The following GLB1 variants were observed in gnomAD, a reference collection of about 807,000 sequenced individuals.
GLB1 encodes the protein beta-galactosidase.
GLB1 carries 56 observed loss-of-function variants against 74.0 expected under a neutral mutation model. That is an observed-to-expected ratio of 0.76 (90% CI 0.61 to 0.94). GLB1 has a LOEUF of 0.94. Ranked by LOEUF, GLB1 falls within the 40% of genes least tolerant of loss-of-function variation. The probability of loss-of-function intolerance (pLI) is 0.00; values close to 1 mark genes in which losing one functional copy is unlikely to be tolerated. For missense variants in GLB1, 787 were observed against 845.5 expected, an observed-to-expected ratio of 0.93 and a Z score of 0.86; for synonymous variants, 323 against 323.6, an observed-to-expected ratio of 1.00 and a Z score of 0.02.
At chr3:32,995,398 G>T (rs1167852489), downstream of GLB1, among the ~76,000 whole-genome samples, 1 of 152,104 alleles carries the variant, frequency 6.6e-6, no homozygotes, top group Non-Finnish European at 1.5e-5. Flanking sequence ...GTAATGAAAT[G>T]AGGGTATGAG....
At chr3:33,076,303 C>T (rs1297951773) in intron 1 of GLB1, among the ~76,000 whole-genome samples, 1 of 152,164 alleles carries the variant, frequency 6.6e-6, no homozygotes, top group Non-Finnish European at 1.5e-5. Context: ...GCCACAGAGC[C>T]TCAATATAGT....
intron 10 of GLB1, chr3:33,045,228 T>C: frequency 3.6e-6 from 2 of 551,564 alleles, no homozygotes; most frequent in Non-Finnish European, 4.6e-6. Context: ...GTAGACTGAT[T>C]TGCTCATAGA....
At chr3:33,011,169 TTAA>T (rs1326722922) in intron 15 of GLB1, among the ~76,000 whole-genome samples, 1 of 152,104 alleles carries the variant, frequency 6.6e-6, no homozygotes, top group Non-Finnish European at 1.5e-5. Context: ...AACATACTTT[TTAA>T]TAATCTATGG....
At chr3:32,979,870 A>AAAAG in the GLB1 span, among the ~76,000 whole-genome samples, 4 of 137,326 alleles carry the variant, frequency 2.9e-5, no homozygotes, top group Non-Finnish European at 3.1e-5. Flanking sequence ...AAAAAAAAAA[A>AAAAG]AAAAAAAAGA....
intron 12 of GLB1, 57 bp from the exon 13 acceptor site, chr3:33,018,618 T>C (rs1473668452): frequency 5.1e-6 from 8 of 1,569,428 alleles, no homozygotes; most frequent in Non-Finnish European, 6.1e-6. Context: ...TTTAGAGAAC[T>C]TGGTTACCCT....
chr3:33,048,297 A>T (rs926752043), intron 9 of GLB1, among the ~76,000 whole-genome samples: 1 of 152,166 alleles, frequency 6.6e-6, no homozygotes, highest in African/African-American at 2.4e-5. Context: ...GCAGAATCTT[A>T]CTTTGGGTGT....
chr3:33,015,400 C>A (rs1037636647), intron 14 of GLB1, among the ~76,000 whole-genome samples: 4 of 152,142 alleles, frequency 2.6e-5, no homozygotes, highest in African/African-American at 9.7e-5. Flanking sequence ...CGATGGCAAA[C>A]CTCAGACCTG....
chr3:33,090,378 ACAAAC>A, intron 1 of GLB1: 1 of 985,250 alleles, frequency 1.0e-6, no homozygotes, highest in Non-Finnish European at 1.2e-6. Context: ...AAAGTTTAAA[ACAAAC>A]CAAACAAAAC....
downstream of GLB1, among the ~76,000 whole-genome samples, chr3:32,992,140 G>A (rs537764678): frequency 2.6e-5 from 4 of 152,222 alleles, no homozygotes; most frequent in Non-Finnish European, 5.9e-5. Flanking sequence ...AGTCTTTTCC[G>A]TAGGCTCACG....
At chr3:33,034,840 C>A in intron 10 of GLB1, 1 of 563,780 alleles carries the variant, frequency 1.8e-6, no homozygotes. Flanking sequence ...CACCTGCCAG[C>A]TCCAGGACTG....
chr3:33,024,472 T>G (rs1697646015), intron 10 of GLB1, 147 bp from the exon 11 acceptor site: 9 of 830,470 alleles, frequency 1.1e-5, no homozygotes, highest in African/African-American at 1.7e-5. Context: ...TAGAGACTTC[T>G]TCCAAAGCAG....
At chr3:32,982,816 A>C in the GLB1 span, among the ~76,000 whole-genome samples, 1 of 152,030 alleles carries the variant, frequency 6.6e-6, no homozygotes, top group Non-Finnish European at 1.5e-5. Context: ...GTCTCTGTTT[A>C]TGTTTATCAT....
intron 10 of GLB1, chr3:33,030,671 C>G (rs1318020456): frequency 3.0e-6 from 3 of 985,282 alleles, no homozygotes; most frequent in Non-Finnish European, 1.2e-6. Context: ...TCTCCCATCC[C>G]CTCTTCACCA....
At chr3:33,051,292 T>C (rs1575450707) in intron 9 of GLB1, among the ~76,000 whole-genome samples, 2 of 134,512 alleles carry the variant, frequency 1.5e-5, no homozygotes, top group Admixed American at 7.5e-5. Context: ...ACATAGGTAA[T>C]CCTTATATGT....
chr3:33,074,408 G>GAAAAAGAAAGAAAGAAAGAAAGAA (rs143322194), intron 1 of GLB1, among the ~76,000 whole-genome samples: 1 of 113,546 alleles, frequency 8.8e-6, no homozygotes, highest in Non-Finnish European at 2.0e-5. Context: ...AAGAAAGAAA[G>GAAAAAGAAAGAAAGAAAGAAAGAA]AATATTACAC....
At chr3:33,055,459 T>TTTTTTTTTTTTTTTTTTTTTTTTG (rs1699175361) in intron 6 of GLB1, among the ~76,000 whole-genome samples, 1 of 100,404 alleles carries the variant, frequency 1.0e-5, no homozygotes. Flanking sequence ...GGTTTTCTTT[T>TTTTTTTTTTTTTTTTTTTTTTTTG]CTTTTTTTTT....
intron 5 of GLB1, among the ~76,000 whole-genome samples, chr3:33,059,244 TACACAC>T (rs55785242): frequency 0.052 from 7,482 of 144,300 alleles, 330 homozygotes; most frequent in Admixed American, 0.12. Context: ...ATATAAAACA[TACACAC>T]ACACACACAC....
chr3:32,998,038 A>G (rs1324010822), intron 15 of GLB1, among the ~76,000 whole-genome samples: 1 of 152,206 alleles, frequency 6.6e-6, no homozygotes, highest in Non-Finnish European at 1.5e-5. Flanking sequence ...CCTCAGAGTT[A>G]GGGTGTGGAC....
At chr3:33,092,248 T>G in intron 1 of GLB1, 6 of 985,704 alleles carry the variant, frequency 6.1e-6, no homozygotes, top group Non-Finnish European at 7.2e-6. Flanking sequence ...TGCATTCCAG[T>G]AGATTTTGCT....
Sources: allele counts gnomAD v4.1 joint callset (sites outside exome capture counted in the v4.1 genomes callset), GRCh38; gene constraint gnomAD v4.1.1; transcripts MANE v1.5; gene names NCBI Gene and HGNC (gene_info 2026-07-23, HGNC 2026-07-21).